IMMP2L: variants seen among roughly 807,000 people sequenced by gnomAD.
The protein encoded by IMMP2L is mitochondrial inner membrane protease subunit 2.
IMMP2L carries 18 observed loss-of-function variants against 19.3 expected under a neutral mutation model. The ratio of observed to expected loss-of-function variants is 0.93; its 90% CI spans 0.64 to 1.38. The LOEUF is 1.38. Among genes scored for constraint, IMMP2L ranks in the 40% most tolerant of loss-of-function variants. IMMP2L has a pLI of 0.00. For synonymous variants in IMMP2L, 76 were observed against 73.0 expected (o/e 1.04, Z -0.21); for missense variants, 233 against 218.2 (o/e 1.07, Z -0.43).
chr7:111,311,034 C>T (rs1362060185), intron 3 of IMMP2L, among the ~76,000 whole-genome samples: 3 of 152,138 alleles, frequency 2.0e-5, no homozygotes, highest in African/African-American at 7.2e-5. Context: ...TGACATTTCT[C>T]TAGTGAATTT....
chr7:111,379,013 T>C (rs1001983126), intron 3 of IMMP2L, among the ~76,000 whole-genome samples: 3 of 151,952 alleles, frequency 2.0e-5, no homozygotes, highest in South Asian at 2.1e-4. Context: ...CCCATATTTA[T>C]GCATATTTAA....
intron 3 of IMMP2L, among the ~76,000 whole-genome samples, chr7:110,999,225 G>A (rs1823367250): frequency 6.6e-6 from 1 of 151,022 alleles, no homozygotes; most frequent in Non-Finnish European, 1.5e-5. Flanking sequence ...TTAGATTATT[G>A]TTTGGGAACC....
intron 3 of IMMP2L, among the ~76,000 whole-genome samples, chr7:111,307,225 T>C (rs920073663): frequency 6.6e-6 from 1 of 151,778 alleles, no homozygotes; most frequent in Non-Finnish European, 1.5e-5. Context: ...AATTTTCTTA[T>C]ATATTTGCTC....
At chr7:111,407,609 A>G (rs1487545574) in intron 3 of IMMP2L, among the ~76,000 whole-genome samples, 2 of 152,098 alleles carry the variant, frequency 1.3e-5, no homozygotes, top group African/African-American at 4.8e-5. Flanking sequence ...GGGAAAATCA[A>G]TAGAAATACA....
intron 5 of IMMP2L, among the ~76,000 whole-genome samples, chr7:110,774,480 C>T (rs1420243704): frequency 6.6e-6 from 1 of 152,030 alleles, no homozygotes; most frequent in Non-Finnish European, 1.5e-5. Context: ...AAAAACCCTT[C>T]ACATATTATG....
intron 3 of IMMP2L, among the ~76,000 whole-genome samples, chr7:111,140,342 G>T (rs1802753444): frequency 6.6e-6 from 1 of 152,172 alleles, no homozygotes. Flanking sequence ...AGGCAGATAT[G>T]ACATGAAGTA....
chr7:111,446,063 C>A (rs1470028362), intron 3 of IMMP2L, among the ~76,000 whole-genome samples: 1 of 151,924 alleles, frequency 6.6e-6, no homozygotes, highest in South Asian at 2.1e-4. Flanking sequence ...CCTACGCCCA[C>A]GGAATCTCGC....
intron 3 of IMMP2L, among the ~76,000 whole-genome samples, chr7:111,455,075 C>T (rs928951136): frequency 2.6e-5 from 4 of 151,780 alleles, no homozygotes; most frequent in Admixed American, 1.3e-4. Flanking sequence ...AGAATATGAG[C>T]CTCACATTGT....
At chr7:110,914,838 A>G (rs924106999) in intron 4 of IMMP2L, among the ~76,000 whole-genome samples, 8 of 152,154 alleles carry the variant, frequency 5.3e-5, no homozygotes, top group African/African-American at 1.7e-4. Flanking sequence ...GACCTCCTAT[A>G]TGAAAACACA....
At chr7:110,754,516 C>T (rs913270343) in intron 5 of IMMP2L, among the ~76,000 whole-genome samples, 2 of 151,972 alleles carry the variant, frequency 1.3e-5, no homozygotes, top group Non-Finnish European at 2.9e-5. Flanking sequence ...CTTCTTCCTG[C>T]TTTTCTATGG....
intron 5 of IMMP2L, among the ~76,000 whole-genome samples, chr7:110,752,895 T>TA (rs1274266346): frequency 6.6e-6 from 1 of 152,004 alleles, no homozygotes; most frequent in East Asian, 1.9e-4. Context: ...AACAAATAAA[T>TA]AAGGCCTTTC....
rs1813310302 is a variant in IMMP2L, at chr7:111,228,136, T to G, written c.239+259102A>C. ...ATTATCTGCTGTTGAAATACGTTTA[T>G]GTTCATGTTTAAAACAAACATTTCT... On this transcript the variant is annotated intron_variant, in intron 3 of 5. Coordinates refer to ENST00000405709, the MANE Select transcript of IMMP2L (RefSeq NM_032549.4). Among the ~76,000 whole-genome samples, 2 of 152,140 alleles carry G rather than the reference T, an allele frequency of 1.3e-5. 1 individual carries two copies. Among genetic ancestry groups the G allele is most frequent in the South Asian group, 4.1e-4 (2 of 4,832 alleles).
intron 5 of IMMP2L, among the ~76,000 whole-genome samples, chr7:110,688,391 T>C (rs1018540448): frequency 6.6e-6 from 1 of 152,084 alleles, no homozygotes; most frequent in Non-Finnish European, 1.5e-5. Context: ...AACAACAAAC[T>C]GCTATGTTTG....
At chr7:111,383,330 C>T (rs1380311594) in intron 3 of IMMP2L, among the ~76,000 whole-genome samples, 1 of 152,140 alleles carries the variant, frequency 6.6e-6, no homozygotes, top group Non-Finnish European at 1.5e-5. Flanking sequence ...CTGCCTGTTT[C>T]TGGGAGTGGT....
intron 3 of IMMP2L, among the ~76,000 whole-genome samples, chr7:111,061,798 A>G (rs1296502816): frequency 6.6e-6 from 1 of 152,256 alleles, no homozygotes; most frequent in East Asian, 1.9e-4. Flanking sequence ...ATTGATTTAC[A>G]TAAAGACCTT....
intron 5 of IMMP2L, among the ~76,000 whole-genome samples, chr7:110,835,383 T>C (rs889699204): frequency 2.6e-5 from 4 of 152,120 alleles, no homozygotes; most frequent in African/African-American, 7.2e-5. Flanking sequence ...GTGCTTTTTA[T>C]AGACTCTGAA....
intron 3 of IMMP2L, among the ~76,000 whole-genome samples, chr7:110,988,362 T>G (rs757222235): frequency 2.0e-5 from 3 of 152,102 alleles, no homozygotes; most frequent in Non-Finnish European, 2.9e-5. Context: ...AAGAAACAGA[T>G]AGTAGAGGTT....
intron 4 of IMMP2L, among the ~76,000 whole-genome samples, chr7:110,891,956 A>C (rs1465506844): frequency 6.6e-6 from 1 of 152,150 alleles, no homozygotes; most frequent in Non-Finnish European, 1.5e-5. Flanking sequence ...ATTTGAAGAG[A>C]TAGTGGTAGA....
In IMMP2L at chr7:111,172,239, T is replaced by A. The variant is rs140453339; in HGVS notation, c.240-208674A>T. Among the ~76,000 whole-genome samples, 1,513 of 151,606 alleles carry A rather than the reference T, an allele frequency of 1.0e-2. 43 individuals are homozygous for A. Among genetic ancestry groups the A allele is most frequent in the Admixed American group, 0.048 (735 of 15,188 alleles). On this transcript the variant is annotated intron_variant, in intron 3 of 5. Transcript: ENST00000405709. ...GTTCCTAAGCAGACTGCACTCAACA[T>A]TGAGTGCTTTCGAGACATAAGAAAG...
Sources: gnomAD v4.1 joint callset for allele counts (sites outside exome capture counted in the v4.1 genomes callset) on GRCh38, gnomAD v4.1.1 for gene constraint, MANE v1.5 for transcripts, NCBI Gene and HGNC (gene_info 2026-07-23, HGNC 2026-07-21) for gene names.